Variants in PSG2 observed in about 807,000 individuals in gnomAD.
PSG2 encodes pregnancy-specific beta-1-glycoprotein 2.
Under a neutral mutation model 36.2 loss-of-function variants are expected in PSG2, and 49 were observed. That is an observed-to-expected ratio of 1.35 (90% CI 1.08 to 1.72). The LOEUF (loss-of-function observed/expected upper bound fraction) is 1.72. Ranked by LOEUF, PSG2 falls within the 40% of genes most tolerant of loss-of-function variation. PSG2 has a pLI of 0.00. For missense variants in PSG2, 605 were observed against 407.2 expected, an observed-to-expected ratio of 1.49 and a Z score of -4.18; for synonymous variants, 261 against 155.6, an observed-to-expected ratio of 1.68 and a Z score of -5.04.
intron 3 of PSG2, chr19:43,072,711 T>C: frequency 6.4e-7 from 1 of 1,573,148 alleles, no homozygotes; most frequent in Non-Finnish European, 8.6e-7. Flanking sequence ...AGTTACCATC[T>C]CCCACCTCTC....
At chr19:43,075,035 C>A (rs184087668) in intron 3 of PSG2, among the ~76,000 whole-genome samples, 1 of 151,814 alleles carries the variant, frequency 6.6e-6, no homozygotes, top group Admixed American at 6.6e-5. Context: ...CACAGTGACC[C>A]TGTGAGCCAA....
At chr19:43,078,911 C>T (rs1223626397) in intron 2 of PSG2, among the ~76,000 whole-genome samples, 1 of 151,418 alleles carries the variant, frequency 6.6e-6, no homozygotes, top group Non-Finnish European at 1.5e-5. Context: ...GGGGAAGAGC[C>T]CTTGATGGGA....
intron 2 of PSG2, among the ~76,000 whole-genome samples, chr19:43,078,456 T>G (rs533604075): frequency 5.1e-4 from 78 of 151,852 alleles, no homozygotes; most frequent in Middle Eastern, 3.4e-3. Flanking sequence ...AAGTTGAGAT[T>G]GGTCTTTTGA....
rs1967835393 is a variant in PSG2, at chr19:43,072,588, G to A, written c.710-634C>T. On this transcript the variant is annotated intron_variant, in intron 3 of 5. Transcript: ENST00000406487. ...GCTAATACATCCTTATTCTCCCTGG[G>A]GTTTAAGTTGTTGATGGTGATTTAG... The A allele has an allele frequency of 1.7e-5, 27 of 1,611,300 alleles. No individual in the cohort carries two copies. In the East Asian group the frequency reaches 3.8e-4, roughly 23 times the overall value.
At chr19:43,069,065 A>G (rs1444441997) in intron 4 of PSG2, among the ~76,000 whole-genome samples, 2 of 151,792 alleles carry the variant, frequency 1.3e-5, no homozygotes, top group African/African-American at 4.9e-5. Flanking sequence ...CAATACACTA[A>G]CCATGAACAG....
At chr19:43,068,894 G>A (rs948771978) in intron 4 of PSG2, among the ~76,000 whole-genome samples, 7 of 151,568 alleles carry the variant, frequency 4.6e-5, no homozygotes, top group African/African-American at 1.5e-4. Flanking sequence ...TTTAAAAAAA[G>A]ACATTCAAAT....
chr19:43,076,059 C>T (rs1258749744), intron 2 of PSG2, among the ~76,000 whole-genome samples: 2 of 151,706 alleles, frequency 1.3e-5, no homozygotes, highest in Non-Finnish European at 2.9e-5. Flanking sequence ...TTGCCAAGGA[C>T]ATCCAAGAGA....
chr19:43,072,203 C>T (rs1967829048), intron 3 of PSG2: 1 of 1,423,328 alleles, frequency 7.0e-7, no homozygotes, highest in Non-Finnish European at 9.5e-7. Context: ...TGTGCCTACC[C>T]AGGTTTTCCC....
chr19:43,077,008 C>T (rs1967906524), intron 2 of PSG2, among the ~76,000 whole-genome samples: 1 of 151,496 alleles, frequency 6.6e-6, no homozygotes, highest in African/African-American at 2.4e-5. Context: ...ATTCGTAATA[C>T]TGTAATTTTC....
Position 43,082,122 on chromosome 19 carries a change from C to CTTTTTT in PSG2, c.64+378_64+383dup, listed in dbSNP as rs71169213. On this transcript the variant is annotated intron_variant, in intron 1 of 5. Transcript: ENST00000406487. ...CTTTCCTTTTATTTCTTTCTTCTCT[C>CTTTTTT]TTTTTTTTTTTTTTTTTTTTTTTTT... is the stretch of plus-strand genomic sequence containing the variant. 33 of 67,984 alleles carry CTTTTTT rather than the reference C, an allele frequency of 4.9e-4. 6 individuals are homozygous for CTTTTTT. Among genetic ancestry groups the CTTTTTT allele is most frequent in the Non-Finnish European group, 6.4e-4 (24 of 37,524 alleles). The allele number at this position is 67,984 out of a possible 1,614,324, so 4.2% of individuals were successfully genotyped here. A position where few individuals can be genotyped will look rare whatever the true frequency, so the allele number is the denominator to read the frequency against.
intron 5 of PSG2, among the ~76,000 whole-genome samples, chr19:43,066,247 GA>G (rs1264765277): frequency 1.3e-5 from 2 of 151,656 alleles, no homozygotes; most frequent in Non-Finnish European, 2.9e-5. Flanking sequence ...AAATAATGAA[GA>G]GGGTTTCACC....
rs199537088 is a variant in PSG2 at position 43,080,850 on chromosome 19, C to T, written c.430+31G>A. On this transcript the variant is annotated intron_variant, in intron 2 of 5. Transcript: ENST00000406487. ...TGAAGTAGAAATGACCCCTGTCCCC[C>T]AACACCCAGGGATCATGTGGAATCA... 2,646 of 1,611,880 alleles carry T rather than the reference C, an allele frequency of 1.6e-3. 24 individuals are homozygous for T. The highest frequency in any genetic ancestry group is 2.1e-3 in the Non-Finnish European group (2,511 of 1,178,968).
At position 43,081,372 on chromosome 19, in the gene PSG2, C is replaced by T. The variant is rs1292742643; in HGVS notation, c.65-126G>A. The T allele has an allele frequency of 5.6e-6, 7 of 1,250,104 alleles. No homozygotes were observed. In the East Asian group the frequency reaches 1.1e-4, roughly 20 times the overall value. The allele number at this position is 1,250,104 out of a possible 1,614,324, so 77.4% of individuals were successfully genotyped here. ...GAAGACACACACACACACACACACACACACACACACACACACACACACACA... is the reference window on the plus strand; with the variant it reads ...GAAGACACACACACACACACACACATACACACACACACACACACACACACA... On this transcript the variant is annotated intron_variant, in intron 1 of 5. Transcript: ENST00000406487.
chr19:43,079,525 G>C (rs963038423), intron 2 of PSG2, among the ~76,000 whole-genome samples: 1 of 151,606 alleles, frequency 6.6e-6, no homozygotes, highest in Non-Finnish European at 1.5e-5. Context: ...CTGAGTGTGT[G>C]TGTCTCTCAC....
chr19:43,070,214 C>T (rs751466713), intron 4 of PSG2, among the ~76,000 whole-genome samples: 5 of 151,472 alleles, frequency 3.3e-5, no homozygotes, highest in Admixed American at 6.6e-5. Context: ...TGTTTTCAAG[C>T]AGATGGAAAA....
At chr19:43,065,283 T>C (rs1967724875) in intron 5 of PSG2, among the ~76,000 whole-genome samples, 2 of 151,768 alleles carry the variant, frequency 1.3e-5, no homozygotes, top group Non-Finnish European at 1.5e-5. Context: ...AGAGGATTAC[T>C]GAGTTCTTGG....
Position 43,080,439 on chromosome 19 carries a change from G to A in PSG2, c.430+442C>T, listed in dbSNP as rs141115121. ...CCCATGAAGCCACAACCCAGCCCTG[G>A]CACAGGCTCCTAAGCTTTATCTGGA... On this transcript the variant is annotated intron_variant, in intron 2 of 5. Coordinates refer to ENST00000406487, the MANE Select transcript of PSG2 (RefSeq NM_031246.4). Among the ~76,000 whole-genome samples the A allele has an allele frequency of 3.9e-3, 586 of 151,774 alleles. 9 individuals carry two copies. Among genetic ancestry groups the A allele is most frequent in the Admixed American group, 9.4e-3 (143 of 15,252 alleles).
intron 3 of PSG2, among the ~76,000 whole-genome samples, chr19:43,072,795 C>T (rs984134224): frequency 2.0e-5 from 3 of 151,834 alleles, no homozygotes; most frequent in African/African-American, 2.4e-5. Context: ...TCTAAGGGCT[C>T]AAAGACTGTG....
Position 43,075,622 on chromosome 19 carries a change from G to T in PSG2, c.441C>A (p.Pro147=). Residue 147 remains proline (P), a synonymous_variant, in exon 3 of 6, where the codon CCC becomes CCA. Coordinates refer to ENST00000406487, the MANE Select transcript of PSG2 (RefSeq NM_031246.4). The part of the protein sequence containing the change: ...YFTFTLYLET[P]KPSISSSNLN... ...AGTTGCTGCTGGAGATGGAGGGCTT[G>T]GGAGTCTCCACTGTGCAGAAAACAG... The T allele has an allele frequency of 1.9e-6, 3 of 1,612,616 alleles. 1 individual carries two copies. Among genetic ancestry groups the T allele is most frequent in the South Asian group, 2.2e-5 (2 of 91,006 alleles).
Sources: gnomAD v4.1 joint callset for allele counts (sites outside exome capture counted in the v4.1 genomes callset) on GRCh38, gnomAD v4.1.1 for gene constraint, MANE v1.5 for transcripts, NCBI Gene and HGNC (gene_info 2026-07-23, HGNC 2026-07-21) for gene names.